Variants in TMEFF2 observed in about 807,000 individuals in gnomAD.
TMEFF2 encodes transmembrane protein with EGF like and two follistatin like domains 2.
Under a neutral mutation model 53.8 loss-of-function variants are expected in TMEFF2, and 28 were observed. The ratio of observed to expected loss-of-function variants is 0.52; its 90% CI spans 0.39 to 0.71. The LOEUF (loss-of-function observed/expected upper bound fraction) is 0.71, where lower values mean the gene tolerates loss of function less well. TMEFF2 is among the 30% of genes least tolerant of loss of function. The probability of loss-of-function intolerance (pLI) is 0.00; values close to 1 mark genes in which losing one functional copy is unlikely to be tolerated. For synonymous variants in TMEFF2, 162 were observed against 166.3 expected (o/e 0.97, Z 0.20); for missense variants, 353 against 455.2 (o/e 0.78, Z 2.04).
At chr2:191,993,809 C>G (rs943521305) in intron 7 of TMEFF2, among the ~76,000 whole-genome samples, 1 of 151,988 alleles carries the variant, frequency 6.6e-6, no homozygotes, top group African/African-American at 2.4e-5. Flanking sequence ...CCCAGCCATA[C>G]GGAGAGCCTC....
chr2:192,189,555 C>CAAAAAAAAAAAAAAAAAAAAAAAA (rs58455898), intron 2 of TMEFF2, among the ~76,000 whole-genome samples: 1 of 41,100 alleles, frequency 2.4e-5, no homozygotes, highest in Non-Finnish European at 4.5e-5. Flanking sequence ...CCAAAAATTC[C>CAAAAAAAAAAAAAAAAAAAAAAAA]AAAAAAAAAA....
In TMEFF2 at chr2:192,104,040, T is replaced by A. The variant is rs183914728; in HGVS notation, c.440-46265A>T. Among the ~76,000 whole-genome samples the A allele has an allele frequency of 2.7e-3, 405 of 152,074 alleles. 7 individuals are homozygous for A. In the South Asian group the frequency reaches 0.034, roughly 13 times the overall value. On this transcript the variant is annotated intron_variant, in intron 4 of 9. Coordinates refer to ENST00000272771, the MANE Select transcript of TMEFF2 (RefSeq NM_016192.4). Reference sequence around the variant, plus strand: ...TTATGAAGGCACATTCTGATGGTTGTATTGAAAAGAAAGCAAAGGAAAGCA... The same window carrying A: ...TTATGAAGGCACATTCTGATGGTTGAATTGAAAAGAAAGCAAAGGAAAGCA...
intron 4 of TMEFF2, among the ~76,000 whole-genome samples, chr2:192,162,408 G>T (rs1295799514): frequency 6.6e-6 from 1 of 152,098 alleles, no homozygotes; most frequent in Non-Finnish European, 1.5e-5. Flanking sequence ...ACCACAGCAT[G>T]CAGTTTCATT....
chr2:192,056,464 T>C (rs1687912958), intron 5 of TMEFF2, among the ~76,000 whole-genome samples: 1 of 152,112 alleles, frequency 6.6e-6, no homozygotes, highest in Admixed American at 6.6e-5. Flanking sequence ...AAAAGGCTGC[T>C]GCTTTTCATT....
chr2:192,183,203 T>C (rs1691228823), intron 3 of TMEFF2, among the ~76,000 whole-genome samples: 1 of 152,016 alleles, frequency 6.6e-6, no homozygotes, highest in South Asian at 2.1e-4. Flanking sequence ...TGAGATATGA[T>C]TCTATTCTCT....
intron 4 of TMEFF2, among the ~76,000 whole-genome samples, chr2:192,074,304 A>G (rs1171858618): frequency 2.6e-5 from 4 of 151,950 alleles, no homozygotes; most frequent in Non-Finnish European, 5.9e-5. Context: ...ACAAAACCTC[A>G]TATGTTGAGG....
chr2:192,018,018 C>A (rs1686780435), intron 5 of TMEFF2, among the ~76,000 whole-genome samples: 1 of 152,106 alleles, frequency 6.6e-6, no homozygotes, highest in African/African-American at 2.4e-5. Flanking sequence ...TCCACTGTTA[C>A]CTCAGGTGAC....
intron 3 of TMEFF2, among the ~76,000 whole-genome samples, chr2:192,183,472 T>C (rs1475313848): frequency 6.6e-6 from 1 of 152,060 alleles, no homozygotes; most frequent in Non-Finnish European, 1.5e-5. Flanking sequence ...TTAGAGAAAG[T>C]TTATAATTGA....
chr2:191,950,230 C>CGGAGG lies in TMEFF2; in HGVS notation c.*80_*81insCCTCC. 1 of 1,542,296 alleles carries CGGAGG rather than the reference C, an allele frequency of 6.5e-7. No homozygotes were observed. Among genetic ancestry groups the CGGAGG allele is most frequent in the South Asian group, 1.2e-5 (1 of 83,982 alleles). ...AATGCAAGGCAACATGTGTAGATCTCTTGTCTTATTCTTTTGTCTATAATA... is the reference window on the plus strand; with the variant it reads ...AATGCAAGGCAACATGTGTAGATCTCGGAGGTTGTCTTATTCTTTTGTCTATAATA... On this transcript the variant is annotated 3_prime_UTR_variant, in exon 10 of 10. Transcript: ENST00000272771.
At position 191,962,855 on chromosome 2, in the gene TMEFF2, A is replaced by T. The variant is rs184739204; in HGVS notation, c.746-6477T>A. The stretch of plus-strand genomic sequence containing the variant: ...CGATGGCAGAGCCCTCAGAAGAGTG[A>T]AGAGAGCAGGCCGCTGGGAGAAGTT... On this transcript the variant is annotated intron_variant, in intron 7 of 9. Coordinates refer to ENST00000272771, the MANE Select transcript of TMEFF2 (RefSeq NM_016192.4). 1.0e-3 allele frequency among the ~76,000 whole-genome samples: 154 copies of T among 152,294 alleles called. 1 individual carries two copies. Among genetic ancestry groups the T allele is most frequent in the African/African-American group, 3.5e-3 (147 of 41,564 alleles).
chr2:192,046,450 G>A (rs1193690447), intron 5 of TMEFF2, among the ~76,000 whole-genome samples: 4 of 152,226 alleles, frequency 2.6e-5, no homozygotes, highest in African/African-American at 7.2e-5. Flanking sequence ...ACTGGTGCAA[G>A]GTTCTCCAGA....
At chr2:192,148,232 A>G (rs1426281809) in intron 4 of TMEFF2, among the ~76,000 whole-genome samples, 3 of 152,048 alleles carry the variant, frequency 2.0e-5, no homozygotes, top group Non-Finnish European at 4.4e-5. Flanking sequence ...CCTGTTACTA[A>G]TCCATTTAGA....
chr2:191,998,934 A>G (rs1236753551), intron 6 of TMEFF2, 126 bp downstream of exon 6: 2 of 931,952 alleles, frequency 2.1e-6, no homozygotes, highest in African/African-American at 1.7e-5. Context: ...AGACTCTACT[A>G]TCCATTGTAA....
At position 192,194,330 on chromosome 2, in the gene TMEFF2, G is replaced by A. The variant is rs764937184; in HGVS notation, c.172+23C>T. The A allele has an allele frequency of 6.2e-7, 1 of 1,612,386 alleles. No individual in the cohort carries two copies. Among genetic ancestry groups the A allele is most frequent in the South Asian group, 1.1e-5 (1 of 90,918 alleles). ...TGTTCTTCTGCGGAGTTAAAGGGTC[G>A]GGGACGGGGGTTCTGGACTTACCAG... On this transcript the variant is annotated intron_variant, in intron 1 of 9. Transcript: ENST00000272771. The surrounding 1 kb of genome is among the most constrained non-coding windows in gnomAD (Gnocchi z 4.2).
At chr2:192,044,077 A>G (rs983629987) in intron 5 of TMEFF2, 2 of 152,140 alleles carry the variant, frequency 1.3e-5, no homozygotes, top group African/African-American at 4.8e-5. Flanking sequence ...CTTACCTCTC[A>G]ATAAGAACAA....
chr2:192,046,162 C>T (rs988110228), intron 5 of TMEFF2, among the ~76,000 whole-genome samples: 7 of 151,918 alleles, frequency 4.6e-5, no homozygotes, highest in South Asian at 2.1e-4. Context: ...GTCAGGAGTT[C>T]GAGACCAACC....
chr2:192,185,154 A>T (rs1691280618), intron 2 of TMEFF2, among the ~76,000 whole-genome samples: 1 of 152,092 alleles, frequency 6.6e-6, no homozygotes, highest in Non-Finnish European at 1.5e-5. Flanking sequence ...GACTATTCCA[A>T]AGTATGTCTA....
At chr2:192,006,761 G>A (rs530682806) in intron 5 of TMEFF2, among the ~76,000 whole-genome samples, 2 of 152,218 alleles carry the variant, frequency 1.3e-5, no homozygotes, top group African/African-American at 2.4e-5. Context: ...ATCTTCTGTG[G>A]CATACTTAAA....
At chr2:192,031,946 C>G (rs1687149153) in intron 5 of TMEFF2, 2 of 152,274 alleles carry the variant, frequency 1.3e-5, no homozygotes, top group African/African-American at 4.8e-5. Context: ...TATAATCATC[C>G]TCTCTAATGT....
Sources: allele counts gnomAD v4.1 joint callset (sites outside exome capture counted in the v4.1 genomes callset), GRCh38; gene constraint gnomAD v4.1.1; non-coding constraint Gnocchi (gnomAD v3.1); transcripts MANE v1.5; gene names NCBI Gene and HGNC (gene_info 2026-07-23, HGNC 2026-07-21).